Variants in STXBP5L observed in about 807,000 individuals in gnomAD.
The protein encoded by STXBP5L is syntaxin-binding protein 5-like.
In STXBP5L, 65 loss-of-function variants were observed where a neutral mutation model predicts 144.5. The ratio of observed to expected loss-of-function variants is 0.45; its 90% confidence interval spans 0.37 to 0.55. STXBP5L has a LOEUF of 0.55. Ranked by LOEUF, STXBP5L falls within the 20% of genes least tolerant of loss-of-function variation. The probability of loss-of-function intolerance (pLI) is 0.00; values close to 1 mark genes in which losing one functional copy is unlikely to be tolerated. For missense variants in STXBP5L, 1,298 were observed against 1,405.5 expected (o/e 0.92, Z 1.22); for synonymous variants, 505 against 469.6 (o/e 1.08, Z -0.97).
rs757374953 is a variant in STXBP5L at position 121,257,229 on chromosome 3, G to T, written c.1728G>T (p.Pro576=). ...CCCCTGAACCAGAAACAAGTCCTCC[G>T]TTTCCAGATCTCTCAGCCCAGCTTC... is the stretch of plus-strand genomic sequence containing the variant. ...IITPEPETSP[P]FPDLSAQLPS... The change falls in exon 17 of 27, where the codon CCG becomes CCT. Residue 576 remains proline, a synonymous_variant. Transcript: ENST00000471454. 1.2e-6 allele frequency: 2 copies of T among 1,613,748 alleles called. 1 individual carries two copies. The highest frequency in any genetic ancestry group is 3.3e-5 in the Admixed American group (2 of 60,010).
intron 19 of STXBP5L, among the ~76,000 whole-genome samples, chr3:121,315,530 G>A (rs1285098502): frequency 6.6e-6 from 1 of 151,442 alleles, no homozygotes; most frequent in African/African-American, 2.4e-5. Context: ...TATACCTAAT[G>A]CTAAATGACA....
At chr3:121,013,217 A>G (rs953532101) in intron 3 of STXBP5L, among the ~76,000 whole-genome samples, 15 of 152,026 alleles carry the variant, frequency 9.9e-5, no homozygotes, top group Non-Finnish European at 1.6e-4. Flanking sequence ...ATACCCATTA[A>G]TGGGATTGCT....
chr3:121,072,061 A>G (rs553787702), intron 5 of STXBP5L, among the ~76,000 whole-genome samples: 74 of 152,332 alleles, frequency 4.9e-4, no homozygotes, highest in Non-Finnish European at 5.9e-4. Flanking sequence ...GATTTTTAAC[A>G]TCTGCATTAG....
chr3:121,321,701 G>T (rs1433068890), intron 20 of STXBP5L, among the ~76,000 whole-genome samples: 3 of 152,132 alleles, frequency 2.0e-5, no homozygotes, highest in African/African-American at 4.8e-5. Context: ...CTCCCCTGTA[G>T]GTATCTGTTT....
intron 3 of STXBP5L, among the ~76,000 whole-genome samples, chr3:121,005,185 C>CT (rs1441723534): frequency 9.2e-5 from 14 of 152,054 alleles, no homozygotes; most frequent in Non-Finnish European, 2.1e-4. Flanking sequence ...TGGTCCTGGA[C>CT]TTTTTTTGGT....
chr3:120,975,845 T>C (rs1249792818), intron 3 of STXBP5L, among the ~76,000 whole-genome samples: 1 of 147,732 alleles, frequency 6.8e-6, no homozygotes, highest in Non-Finnish European at 1.5e-5. Flanking sequence ...CTGGATTACA[T>C]TTATTGATTT....
At position 120,933,175 on chromosome 3, in the gene STXBP5L, A is replaced by G. The variant is rs540939537; in HGVS notation, c.190-21765A>G. 5.3e-5 allele frequency among the ~76,000 whole-genome samples: 8 copies of G among 152,258 alleles called. No homozygotes were observed. The East Asian group carries it at 1.5e-3, about 29-fold the overall frequency. On this transcript the variant is annotated intron_variant, in intron 2 of 26. Transcript: ENST00000471454. ...ACTAACCTGCACATTGTGCACAGGTACCCTAAAACTTAAAGTATAATAATA... is the reference window on the plus strand; with the variant it reads ...ACTAACCTGCACATTGTGCACAGGTGCCCTAAAACTTAAAGTATAATAATA...
chr3:121,082,070 T>A (rs1268369107), intron 5 of STXBP5L, among the ~76,000 whole-genome samples: 2 of 152,208 alleles, frequency 1.3e-5, no homozygotes, highest in African/African-American at 4.8e-5. Context: ...AACTTTATTC[T>A]TTTTCAAAAT....
At position 121,404,628 on chromosome 3, in the gene STXBP5L, C is replaced by G. The variant is rs764995438; in HGVS notation, c.2588-2615C>G. On this transcript the variant is annotated intron_variant, in intron 22 of 26. Coordinates refer to ENST00000471454, the MANE Select transcript of STXBP5L (RefSeq NM_001308330.2). ...GAATCTTCTTGGCATTCTAGAAAGTCAAGACCTATAAAGAATCTGAGATTT... is the reference window on the plus strand; with the variant it reads ...GAATCTTCTTGGCATTCTAGAAAGTGAAGACCTATAAAGAATCTGAGATTT... 6.2e-4 allele frequency among the ~76,000 whole-genome samples: 94 copies of G among 152,098 alleles called. 1 individual carries two copies. Among genetic ancestry groups the G allele is most frequent in the Admixed American group, 3.3e-4 (5 of 15,252 alleles).
intron 22 of STXBP5L, among the ~76,000 whole-genome samples, chr3:121,386,123 G>A (rs751665499): frequency 2.6e-5 from 4 of 151,984 alleles, no homozygotes; most frequent in Non-Finnish European, 5.9e-5. Context: ...TAATAACATT[G>A]TAAAATCAAA....
chr3:121,041,660 C>G (rs973825483), intron 3 of STXBP5L, 40 bp from the exon 4 acceptor site: 5 of 1,412,456 alleles, frequency 3.5e-6, no homozygotes, highest in Non-Finnish European at 5.0e-6. Flanking sequence ...AATATTGGTG[C>G]TAATTAAAAT....
chr3:121,303,574 C>G (rs924866022), intron 19 of STXBP5L, among the ~76,000 whole-genome samples: 1 of 152,156 alleles, frequency 6.6e-6, no homozygotes, highest in African/African-American at 2.4e-5. Flanking sequence ...AAGACACATG[C>G]ACACGTATGT....
intron 3 of STXBP5L, among the ~76,000 whole-genome samples, chr3:121,017,354 G>A (rs1310584357): frequency 6.6e-6 from 1 of 152,174 alleles, no homozygotes; most frequent in Non-Finnish European, 1.5e-5. Flanking sequence ...TAAGGAACTA[G>A]ATGCTTACCT....
intron 9 of STXBP5L, chr3:121,158,631 C>G (rs2046203746): frequency 6.6e-6 from 1 of 152,096 alleles, no homozygotes; most frequent in Non-Finnish European, 1.5e-5. Context: ...TTAGAGATTG[C>G]CATTACAGAA....
intron 2 of STXBP5L, among the ~76,000 whole-genome samples, chr3:120,918,175 CT>C (rs1360488406): frequency 6.6e-6 from 1 of 152,128 alleles, no homozygotes; most frequent in Non-Finnish European, 1.5e-5. Flanking sequence ...TCCTGCCTCC[CT>C]TTTTTAATAT....
At chr3:121,131,507 A>T (rs2044986972) in intron 7 of STXBP5L, among the ~76,000 whole-genome samples, 1 of 152,210 alleles carries the variant, frequency 6.6e-6, no homozygotes, top group Non-Finnish European at 1.5e-5. Flanking sequence ...CAGTGGGACA[A>T]ATATGGCCTG....
At chr3:120,974,718 T>G (rs1053167244) in intron 3 of STXBP5L, among the ~76,000 whole-genome samples, 5 of 152,216 alleles carry the variant, frequency 3.3e-5, no homozygotes, top group African/African-American at 1.2e-4. Context: ...TTAATTTTTG[T>G]ATAAGGTGTA....
At chr3:121,207,112 T>C (rs1359286417) in intron 10 of STXBP5L, among the ~76,000 whole-genome samples, 1 of 152,168 alleles carries the variant, frequency 6.6e-6, no homozygotes, top group East Asian at 1.9e-4. Flanking sequence ...GATATCTCTT[T>C]AGCCTACTAT....
intron 5 of STXBP5L, among the ~76,000 whole-genome samples, chr3:121,065,583 G>GT (rs926430547): frequency 4.6e-5 from 7 of 152,182 alleles, no homozygotes; most frequent in South Asian, 2.1e-4. Context: ...TTTTAAAAAT[G>GT]TTTTTTCAGA....
Sources: gnomAD v4.1 joint callset for allele counts (sites outside exome capture counted in the v4.1 genomes callset) on GRCh38, gnomAD v4.1.1 for gene constraint, MANE v1.5 for transcripts, NCBI Gene and HGNC (gene_info 2026-07-23, HGNC 2026-07-21) for gene names.